The following SALL4 variants were observed in gnomAD, a reference collection of about 807,000 sequenced individuals.
SALL4 encodes the protein sal-like protein 4.
In SALL4, 4 loss-of-function variants were observed where a neutral mutation model predicts 60.8. The observed-to-expected ratio is 0.07, with a 90% CI of 0.03 to 0.15. The LOEUF is 0.15. Ranked by LOEUF, SALL4 falls within the 10% of genes least tolerant of loss-of-function variation. The pLI is 1.00. For missense variants in SALL4, 1,178 were observed against 1,394.7 expected (o/e 0.84, Z 2.48); for synonymous variants, 580 against 574.9 (o/e 1.01, Z -0.13).
intron 1 of SALL4, among the ~76,000 whole-genome samples, chr20:51,800,844 C>T (rs1442283424): frequency 6.6e-6 from 1 of 152,136 alleles, no homozygotes; most frequent in Non-Finnish European, 1.5e-5. Flanking sequence ...TCCCCTCCGT[C>T]AAGCCGATCC....
At position 51,787,138 on chromosome 20, in the gene SALL4, TG is replaced by T. The variant is rs2077998574; in HGVS notation, c.2742+1722del. Among the ~76,000 whole-genome samples, 6 of 149,612 alleles carry T rather than the reference TG, an allele frequency of 4.0e-5. No homozygotes were observed. The South Asian group carries it at 1.3e-3, about 32-fold the overall frequency. On this transcript the variant is annotated intron_variant, in intron 3 of 3. Transcript: ENST00000217086. ...AAACAAACCAAAACAAAACAAATTT[TG>T]GGGCAGGACGCAGTGGCTCACACCT... is the stretch of plus-strand genomic sequence containing the variant.
chr20:51,789,370 G>A (rs939498207), intron 2 of SALL4, among the ~76,000 whole-genome samples: 3 of 151,736 alleles, frequency 2.0e-5, no homozygotes, highest in African/African-American at 7.3e-5. Context: ...AAAGGCATGG[G>A]CAACATATAA....
chr20:51,791,618 A>C lies in SALL4; in HGVS notation c.865T>G (p.Leu289Val). Residue 289 changes from leucine to valine, a missense_variant, in exon 2 of 4, where the codon TTG becomes GTG. By Grantham distance (32) the Leu-to-Val change is conservative (BLOSUM62 1). Around this residue, in one of 5 missense-constraint regions of SALL4, gnomAD observed 853 missense variants for 1,036.8 expected, o/e 0.82. Transcript: ENST00000217086. The surrounding 1 kb of genome is among the most constrained non-coding windows in gnomAD (Gnocchi z 4.6). ...AGSQGLSLDA[L>V]KQAKLPHANI... ...GCGTGAGGTAGCTTGGCTTGTTTCA[A>C]GGCATCCAGAGACAGACCTTGGCTT... The C allele has an allele frequency of 6.2e-7, 1 of 1,613,760 alleles. No homozygotes were observed. The highest frequency in any genetic ancestry group is 8.5e-7 in the Non-Finnish European group (1 of 1,180,036).
intron 1 of SALL4, among the ~76,000 whole-genome samples, chr20:51,800,530 G>A (rs2078103272): frequency 1.3e-5 from 2 of 152,206 alleles, no homozygotes; most frequent in Admixed American, 6.5e-5. Flanking sequence ...CCTCCCGAAA[G>A]GTGCCAAACA....
At chr20:51,800,397 C>T (rs551564083) in intron 1 of SALL4, among the ~76,000 whole-genome samples, 3 of 152,246 alleles carry the variant, frequency 2.0e-5, no homozygotes, top group Non-Finnish European at 4.4e-5. Flanking sequence ...TAGCCAACTC[C>T]CCTCCCTCCC....
At position 51,784,177 on chromosome 20, in the gene SALL4, A is replaced by G. The variant is rs1327532627; in HGVS notation, c.*88T>C. ...TCATTTGCATATCAGTAAGAAAAAG[A>G]AAACAGGAGGAGATGAGTTCTTACA... On this transcript the variant is annotated 3_prime_UTR_variant, in exon 4 of 4. Coordinates refer to ENST00000217086, the MANE Select transcript of SALL4 (RefSeq NM_020436.5). 6 of 1,494,068 alleles carry G rather than the reference A, an allele frequency of 4.0e-6. No homozygotes were observed. The highest frequency in any genetic ancestry group is 4.6e-6 in the Non-Finnish European group (5 of 1,079,118). The allele number at this position is 1,494,068 out of a possible 1,614,324, so 92.6% of individuals were successfully genotyped here.
intron 1 of SALL4, among the ~76,000 whole-genome samples, chr20:51,800,436 C>T (rs981953041): frequency 6.6e-6 from 1 of 152,192 alleles, no homozygotes; most frequent in Non-Finnish European, 1.5e-5. Context: ...ACGGCCAGGC[C>T]CGAGGTTTTA....
intron 1 of SALL4, among the ~76,000 whole-genome samples, chr20:51,799,260 G>A (rs1365999551): frequency 6.6e-6 from 1 of 152,126 alleles, no homozygotes; most frequent in African/African-American, 2.4e-5. Flanking sequence ...GCTATATAGA[G>A]GAGGAACCCA....
At position 51,790,012 on chromosome 20, in the gene SALL4, G is replaced by T. The variant is rs753484411; in HGVS notation, c.2461+10C>A. The T allele has an allele frequency of 6.2e-7, 1 of 1,614,128 alleles. No individual in the cohort carries two copies. The highest frequency in any genetic ancestry group is 8.5e-7 in the Non-Finnish European group (1 of 1,180,034). On this transcript the variant is annotated intron_variant, in intron 2 of 3. Coordinates refer to ENST00000217086, the MANE Select transcript of SALL4 (RefSeq NM_020436.5). The surrounding 1 kb of genome is among the most constrained non-coding windows in gnomAD (Gnocchi z 5.5). The stretch of plus-strand genomic sequence containing the variant: ...AAAATGGACATAAGTTAAATCCAAA[G>T]CTCTATCACCTTCCATCTCAGTGCG...
Position 51,782,795 on chromosome 20 carries a change from A to G in SALL4, c.*1470T>C, listed in dbSNP as rs1226113439. 1 of 152,128 alleles carries G rather than the reference A, an allele frequency of 6.6e-6. No homozygotes were observed. The highest frequency in any genetic ancestry group is 1.5e-5 in the Non-Finnish European group (1 of 68,038). The allele number at this position is 152,128 out of a possible 1,614,324, so 9.4% of individuals were successfully genotyped here. A position where few individuals can be genotyped will look rare whatever the true frequency, so the allele number is the denominator to read the frequency against. On this transcript the variant is annotated 3_prime_UTR_variant, in exon 4 of 4. Transcript: ENST00000217086. ...ACTACAAAAAAAAAAGGCATCACAA[A>G]ATCATCTTGAACGTTCACCTCTTCC... is the stretch of plus-strand genomic sequence containing the variant.
Position 51,792,038 on chromosome 20 carries a change from C to A in SALL4, c.445G>T (p.Ala149Ser), listed in dbSNP as rs775799412. 3.7e-6 allele frequency: 6 copies of A among 1,614,196 alleles called. No individual in the cohort carries two copies. Among genetic ancestry groups the A allele is most frequent in the Non-Finnish European group, 5.1e-6 (6 of 1,180,050 alleles). Reference protein sequence around the residue: ...SSEDMKEKPDAESVVYLKTET... With the variant: ...SSEDMKEKPDSESVVYLKTET... ...GTCTTTAGGTACACCACAGACTCCG[C>A]ATCCGGCTTCTCCTTCATGTCCTCT... Residue 149 changes from alanine to serine, a missense_variant, in exon 2 of 4, where the codon GCG becomes TCG. Around this residue, in one of 5 missense-constraint regions of SALL4, gnomAD observed 853 missense variants for 1,036.8 expected, o/e 0.82. Transcript: ENST00000217086.
At chr20:51,789,164 G>A (rs1254015753) in intron 2 of SALL4, 23 bp from the exon 3 acceptor site, 11 of 1,612,460 alleles carry the variant, frequency 6.8e-6, no homozygotes, top group South Asian at 1.1e-5. Context: ...GGGGAAAAAA[G>A]CCAGACCTTT....
rs185426478 is a variant in SALL4, at chr20:51,785,788, C to A, written c.2743-1104G>T. 2.8e-3 allele frequency among the ~76,000 whole-genome samples: 426 copies of A among 152,156 alleles called. 9 individuals are homozygous for A. The East Asian group carries it at 0.036, about 13-fold the overall frequency. On this transcript the variant is annotated intron_variant, in intron 3 of 3. Coordinates refer to ENST00000217086, the MANE Select transcript of SALL4 (RefSeq NM_020436.5). ...CCTCCTGAATAGCTGGGACTACAGGCACGCGCCACCATGCCCGGCTAATTT... is the reference window on the plus strand; with the variant it reads ...CCTCCTGAATAGCTGGGACTACAGGAACGCGCCACCATGCCCGGCTAATTT...
intron 1 of SALL4, chr20:51,797,464 G>A (rs968639152): frequency 6.6e-6 from 1 of 152,082 alleles, no homozygotes; most frequent in African/African-American, 2.4e-5. Context: ...TGCCTCTTCT[G>A]TAGCCTCCAC....
intron 3 of SALL4, among the ~76,000 whole-genome samples, chr20:51,787,389 A>C (rs1377662815): frequency 6.6e-6 from 1 of 152,156 alleles, no homozygotes; most frequent in Non-Finnish European, 1.5e-5. Flanking sequence ...GCACCGTTGC[A>C]CTCCAGCCTG....
At position 51,790,423 on chromosome 20, in the gene SALL4, ACAT is replaced by A. The variant is rs557068877; in HGVS notation, c.2057_2059del (p.Asp686del). ...TTCCTCTACATCGATGCTTTCGATG[ACAT>A]CATCATGGCAGATAGCGCCGGTGCT... On this transcript the variant is annotated inframe_deletion, in exon 2 of 4. Coordinates refer to ENST00000217086, the MANE Select transcript of SALL4 (RefSeq NM_020436.5). The surrounding 1 kb of genome is among the most constrained non-coding windows in gnomAD (Gnocchi z 5.5). The A allele has an allele frequency of 4.0e-4, 638 of 1,614,118 alleles. 3 individuals are homozygous for A. In the African/African-American group the frequency reaches 7.6e-3, roughly 19 times the overall value.
rs763505150 is a variant in SALL4, at chr20:51,784,634, C to T, written c.2793G>A (p.Arg931=). Reference sequence around the variant, plus strand: ...CCATGGTGTTCTCGATGGCCAACTTCCTTCCACGGCGGGCTGAGTTATTGT... The same window carrying T: ...CCATGGTGTTCTCGATGGCCAACTTTCTTCCACGGCGGGCTGAGTTATTGT... The part of the protein sequence containing the change: ...GANNNSARRG[R]KLAIENTMAL... The change falls in exon 4 of 4, where the codon AGG becomes AGA. Residue 931 remains arginine (R), a synonymous_variant. Transcript: ENST00000217086. 1.2e-6 allele frequency: 2 copies of T among 1,614,070 alleles called. No individual in the cohort carries two copies. Among genetic ancestry groups the T allele is most frequent in the Non-Finnish European group, 1.7e-6 (2 of 1,180,048 alleles).
At chr20:51,794,226 A>G (rs935442202) in intron 1 of SALL4, among the ~76,000 whole-genome samples, 1 of 152,192 alleles carries the variant, frequency 6.6e-6, no homozygotes, top group Non-Finnish European at 1.5e-5. Context: ...TCTTCCTATA[A>G]TTCAGATTTT....
Position 51,788,401 on chromosome 20 carries a change from C to A in SALL4, c.2742+460G>T, listed in dbSNP as rs2078007873. On this transcript the variant is annotated intron_variant, in intron 3 of 3. Coordinates refer to ENST00000217086, the MANE Select transcript of SALL4 (RefSeq NM_020436.5). This position sits in a 1 kb window ranked among gnomAD's most constrained non-coding sequence, Gnocchi z 4.1. ...ATGTTGCCAGGCTGGTCTCAAACTC[C>A]TGGACTCAGCTGGGTGCAGTGGCTC... Among the ~76,000 whole-genome samples the A allele has an allele frequency of 6.6e-6, 1 of 151,798 alleles. No individual in the cohort carries two copies. The highest frequency in any genetic ancestry group is 2.4e-5 in the African/African-American group (1 of 41,316).
Sources: allele counts gnomAD v4.1 joint callset (sites outside exome capture counted in the v4.1 genomes callset), GRCh38; gene constraint gnomAD v4.1.1; regional missense constraint gnomAD v4.1.1; non-coding constraint Gnocchi (gnomAD v3.1); transcripts MANE v1.5; gene names NCBI Gene and HGNC (gene_info 2026-07-23, HGNC 2026-07-21).